ULK4: variants seen among roughly 807,000 people sequenced by gnomAD.
The protein encoded by ULK4 is inactive serine/threonine-protein kinase ULK4.
A neutral mutation model predicts 160.6 loss-of-function variants in ULK4; 133 were observed. The ratio of observed to expected loss-of-function variants is 0.83; its 90% CI spans 0.72 to 0.96. The LOEUF (loss-of-function observed/expected upper bound fraction) is 0.96. ULK4 is among the 40% of genes least tolerant of loss of function. ULK4 has a pLI of 0.00. For missense variants in ULK4, 1,580 were observed against 1,499.5 expected (o/e 1.05, Z -0.89); for synonymous variants, 534 against 539.8 (o/e 0.99, Z 0.15).
intron 35 of ULK4, among the ~76,000 whole-genome samples, chr3:41,273,922 C>T (rs1378841466): frequency 6.6e-6 from 1 of 152,110 alleles, no homozygotes; most frequent in Non-Finnish European, 1.5e-5. Context: ...TGATACAGCA[C>T]AAAAGCCCAC....
At chr3:41,839,701 GA>G (rs946181925) in intron 17 of ULK4, among the ~76,000 whole-genome samples, 1 of 151,750 alleles carries the variant, frequency 6.6e-6, no homozygotes, top group African/African-American at 2.4e-5. Flanking sequence ...AGAGTCTAAA[GA>G]AAAAAACTCC....
chr3:41,708,463 G>A (rs1175651488), intron 25 of ULK4, among the ~76,000 whole-genome samples: 1 of 152,152 alleles, frequency 6.6e-6, no homozygotes, highest in Non-Finnish European at 1.5e-5. Flanking sequence ...TTACAGGTGG[G>A]AACTAAAAAA....
chr3:41,262,256 G>T (rs189539925), intron 35 of ULK4, among the ~76,000 whole-genome samples: 1 of 152,182 alleles, frequency 6.6e-6, no homozygotes, highest in Non-Finnish European at 1.5e-5. Flanking sequence ...ATTCTGCCAT[G>T]GGGGGAGCTA....
intron 34 of ULK4, among the ~76,000 whole-genome samples, chr3:41,408,856 G>A (rs936623346): frequency 3.3e-5 from 5 of 151,878 alleles, no homozygotes; most frequent in Non-Finnish European, 5.9e-5. Context: ...TTCAATAGAG[G>A]GAAAATAGTA....
chr3:41,840,310 G>A (rs1243694628), intron 17 of ULK4, among the ~76,000 whole-genome samples: 1 of 152,156 alleles, frequency 6.6e-6, no homozygotes. Flanking sequence ...GGTGGTGCAT[G>A]CTTAGAGTCC....
intron 35 of ULK4, among the ~76,000 whole-genome samples, chr3:41,268,802 TCACA>T (rs761556124): frequency 0.011 from 1,076 of 100,392 alleles, 69 homozygotes; most frequent in Middle Eastern, 0.048. Flanking sequence ...AGACTCCGTC[TCACA>T]CACACACAAA....
rs1033296612 is a variant in ULK4 at position 41,845,094 on chromosome 3, T to C, written c.1657-9123A>G. Among the ~76,000 whole-genome samples, 12 of 151,814 alleles carry C rather than the reference T, an allele frequency of 7.9e-5. No individual in the cohort carries two copies. In the South Asian group the frequency reaches 1.5e-3, roughly 18 times the overall value. ...CATTCTCCTGCCTCAGCCTCCCGAGTAGCTGGGACTACAGGCACCCACCAC... is the reference window on the plus strand; with the variant it reads ...CATTCTCCTGCCTCAGCCTCCCGAGCAGCTGGGACTACAGGCACCCACCAC... On this transcript the variant is annotated intron_variant, in intron 17 of 36. Transcript: ENST00000301831.
At chr3:41,862,289 T>C (rs1463066771) in intron 17 of ULK4, among the ~76,000 whole-genome samples, 1 of 152,246 alleles carries the variant, frequency 6.6e-6, no homozygotes, top group Non-Finnish European at 1.5e-5. Context: ...GAATTCTAAA[T>C]TCCTTCTCTG....
intron 21 of ULK4, among the ~76,000 whole-genome samples, chr3:41,758,480 C>T (rs560506566): frequency 6.6e-6 from 1 of 152,244 alleles, no homozygotes; most frequent in South Asian, 2.1e-4. Flanking sequence ...AACACAGATG[C>T]AAAAACTCCT....
chr3:41,362,382 C>T (rs1039001719), intron 35 of ULK4, among the ~76,000 whole-genome samples: 36 of 152,076 alleles, frequency 2.4e-4, no homozygotes, highest in African/African-American at 7.2e-4. Context: ...ATTGATAAAG[C>T]AGAGATTGGT....
chr3:41,904,926 T>C (rs569968573), intron 12 of ULK4, among the ~76,000 whole-genome samples: 6 of 143,278 alleles, frequency 4.2e-5, no homozygotes, highest in Admixed American at 1.4e-4. Flanking sequence ...ACTTCCTAAA[T>C]TGATCTACAC....
chr3:41,828,187 A>G (rs1228217854), intron 18 of ULK4, among the ~76,000 whole-genome samples: 7 of 144,372 alleles, frequency 4.8e-5, no homozygotes, highest in Non-Finnish European at 9.1e-5. Context: ...CCCACAGCCA[A>G]TATCATACTG....
chr3:41,767,847 A>G (rs2039218359), intron 21 of ULK4, among the ~76,000 whole-genome samples: 1 of 152,170 alleles, frequency 6.6e-6, no homozygotes, highest in Non-Finnish European at 1.5e-5. Flanking sequence ...ACGTCTCAAG[A>G]AACTTACCTC....
Position 41,900,744 on chromosome 3 carries a change from G to A in ULK4, c.1268C>T (p.Pro423Leu). 1 of 1,613,516 alleles carries A rather than the reference G, an allele frequency of 6.2e-7. No homozygotes were observed. The stretch of plus-strand genomic sequence containing the variant: ...CTGCACCTTTGGATTGTCGATAATG[G>A]GGGTGACAACAAGATCTGAGTCCGT... ...IYTDSDLVVT[P>L]IIDNPKIMKQ... The change falls in exon 13 of 37, where the codon CCC becomes CTC. Residue 423 changes from proline (P) to leucine (L), a missense_variant. By Grantham distance (98) the Pro-to-Leu change is moderately conservative. Transcript: ENST00000301831.
At chr3:41,289,397 T>C (rs964203740) in intron 35 of ULK4, among the ~76,000 whole-genome samples, 3 of 152,204 alleles carry the variant, frequency 2.0e-5, no homozygotes, top group Non-Finnish European at 4.4e-5. Flanking sequence ...CTCCATCAGA[T>C]TTTACAATCA....
At chr3:41,383,718 T>TC (rs1326433074) in intron 35 of ULK4, among the ~76,000 whole-genome samples, 1 of 152,182 alleles carries the variant, frequency 6.6e-6, no homozygotes, top group Non-Finnish European at 1.5e-5. Context: ...CTCCCACCAC[T>TC]CCCCTTGGTT....
chr3:41,445,343 T>C (rs1002028200), intron 34 of ULK4, among the ~76,000 whole-genome samples: 6 of 152,254 alleles, frequency 3.9e-5, no homozygotes, highest in South Asian at 2.1e-4. Context: ...AAGCTACCAA[T>C]GACTTTCTTC....
chr3:41,531,697 A>G (rs527757157), intron 32 of ULK4, among the ~76,000 whole-genome samples: 83 of 152,296 alleles, frequency 5.4e-4, no homozygotes, highest in Middle Eastern at 3.4e-3. Flanking sequence ...GTAAACCAAA[A>G]CAACAAATAT....
At chr3:41,605,256 A>C (rs1487921235) in intron 31 of ULK4, among the ~76,000 whole-genome samples, 1 of 152,042 alleles carries the variant, frequency 6.6e-6, no homozygotes, top group Non-Finnish European at 1.5e-5. Flanking sequence ...TTTAAATATA[A>C]TAATATCAAA....
Sources: allele counts gnomAD v4.1 joint callset (sites outside exome capture counted in the v4.1 genomes callset), GRCh38; gene constraint gnomAD v4.1.1; transcripts MANE v1.5; gene names NCBI Gene and HGNC (gene_info 2026-07-23, HGNC 2026-07-21).